Variants in DPP6 observed in about 807,000 individuals in gnomAD.
DPP6 encodes the protein A-type potassium channel modulatory protein DPP6.
Under a neutral mutation model 122.6 loss-of-function variants are expected in DPP6, and 69 were observed. The observed-to-expected ratio is 0.56, with a 90% CI of 0.46 to 0.69. DPP6 has a LOEUF of 0.69. Among genes scored for constraint, DPP6 ranks in the 30% least tolerant of loss-of-function variants. The pLI, the probability that DPP6 is intolerant of heterozygous loss-of-function variation, is 0.00. For synonymous variants in DPP6, 418 were observed against 433.1 expected (o/e 0.97, Z 0.43); for missense variants, 928 against 1,116.9 (o/e 0.83, Z 2.41).
intron 1 of DPP6, among the ~76,000 whole-genome samples, chr7:153,946,599 C>T (rs1801957273): frequency 6.6e-6 from 1 of 152,106 alleles, no homozygotes; most frequent in Admixed American, 6.5e-5. Context: ...CATCCTGTGA[C>T]TAAGAGCACC....
chr7:154,082,903 C>G (rs1283794655), intron 1 of DPP6, among the ~76,000 whole-genome samples: 2 of 139,422 alleles, frequency 1.4e-5, no homozygotes, highest in African/African-American at 5.4e-5. Context: ...GGCTGGAGTG[C>G]AGTGGTGTGA....
intron 1 of DPP6, among the ~76,000 whole-genome samples, chr7:154,153,716 C>T (rs536844155): frequency 6.6e-6 from 1 of 152,390 alleles, no homozygotes; most frequent in African/African-American, 2.4e-5. Flanking sequence ...CCAGGACCTA[C>T]AGTTTTCCTA....
At chr7:154,370,508 G>C (rs1396008288) in intron 1 of DPP6, among the ~76,000 whole-genome samples, 1 of 152,168 alleles carries the variant, frequency 6.6e-6, no homozygotes, top group Non-Finnish European at 1.5e-5. Context: ...GTAGATTCTT[G>C]AGTAGTTGAT....
At chr7:153,774,697 G>A in the DPP6 span, among the ~76,000 whole-genome samples, 2 of 152,138 alleles carry the variant, frequency 1.3e-5, no homozygotes, top group Admixed American at 1.3e-4. Flanking sequence ...AGGTATGATG[G>A]CTCATGCCTA....
chr7:154,889,147 G>A (rs1038144308), intron 23 of DPP6, 125 bp from the exon 24 acceptor site: 45 of 1,423,910 alleles, frequency 3.2e-5, no homozygotes, highest in Admixed American at 5.5e-5. Flanking sequence ...AAGGCATCCC[G>A]GTTCTCCGGG....
intron 5 of DPP6, among the ~76,000 whole-genome samples, chr7:154,576,176 G>A (rs1453752340): frequency 3.3e-5 from 5 of 151,930 alleles, no homozygotes; most frequent in South Asian, 2.1e-4. Context: ...CTACTTCCCC[G>A]TGCCCCCATC....
intron 1 of DPP6, among the ~76,000 whole-genome samples, chr7:154,124,480 CTG>C (rs1436860224): frequency 3.3e-5 from 5 of 152,202 alleles, no homozygotes; most frequent in African/African-American, 1.2e-4. Flanking sequence ...TGCACCGGCA[CTG>C]TGGGAGCAGG....
chr7:154,315,615 C>T (rs1451790441), intron 1 of DPP6, among the ~76,000 whole-genome samples: 3 of 152,006 alleles, frequency 2.0e-5, no homozygotes, highest in African/African-American at 7.3e-5. Context: ...GCAGCCATCA[C>T]CTCTGGGGGG....
intron 7 of DPP6, among the ~76,000 whole-genome samples, chr7:154,685,855 TG>T (rs1348798707): frequency 6.6e-6 from 1 of 152,236 alleles, no homozygotes; most frequent in Admixed American, 6.5e-5. Context: ...CTTTGAATCC[TG>T]GATGAGAAGT....
At chr7:153,788,732 G>A in the DPP6 span, among the ~76,000 whole-genome samples, 1 of 152,172 alleles carries the variant, frequency 6.6e-6, no homozygotes, top group African/African-American at 2.4e-5. Flanking sequence ...GGGAGGCCAA[G>A]GCGGATGGAT....
chr7:154,323,285 C>T (rs1276037315), intron 1 of DPP6, among the ~76,000 whole-genome samples: 1 of 151,414 alleles, frequency 6.6e-6, no homozygotes, highest in Non-Finnish European at 1.5e-5. Flanking sequence ...TTTAAATTGG[C>T]ACAGTTGGCT....
chr7:154,198,135 G>T (rs1474961708), intron 1 of DPP6, among the ~76,000 whole-genome samples: 1 of 152,068 alleles, frequency 6.6e-6, no homozygotes. Context: ...GTGTCATATG[G>T]ATCCTGCTTG....
At chr7:154,603,656 CAAAAAAAAAAA>C (rs779501891) in intron 5 of DPP6, among the ~76,000 whole-genome samples, 1 of 24,988 alleles carries the variant, frequency 4.0e-5, no homozygotes, top group African/African-American at 1.1e-4. Context: ...AACTCTGTCT[CAAAAAAAAAAA>C]AAAAAAAAAA....
chr7:153,958,252 T>C (rs1446631797), intron 1 of DPP6, among the ~76,000 whole-genome samples: 1 of 152,160 alleles, frequency 6.6e-6, no homozygotes, highest in Non-Finnish European at 1.5e-5. Flanking sequence ...TGTAAGAGGT[T>C]AGTGAGGCAG....
intron 1 of DPP6, among the ~76,000 whole-genome samples, chr7:153,949,556 G>A (rs541516238): frequency 2.6e-5 from 4 of 152,156 alleles, no homozygotes; most frequent in Non-Finnish European, 4.4e-5. Context: ...TAGGGTAGAC[G>A]TTCAAAGGGA....
chr7:154,390,838 C>T (rs73169336), intron 1 of DPP6, among the ~76,000 whole-genome samples: 2,023 of 152,240 alleles, frequency 0.013, 19 homozygotes, highest in Non-Finnish European at 0.022. Flanking sequence ...GAGACCCTCC[C>T]GACTACTCCT....
At chr7:154,332,975 G>T (rs759903909) in intron 1 of DPP6, among the ~76,000 whole-genome samples, 2 of 152,116 alleles carry the variant, frequency 1.3e-5, no homozygotes, top group African/African-American at 2.4e-5. Context: ...CGGGAGGCTC[G>T]CGATGGGTCC....
At chr7:154,529,827 A>G (rs1353753440) in intron 3 of DPP6, among the ~76,000 whole-genome samples, 1 of 152,202 alleles carries the variant, frequency 6.6e-6, no homozygotes, top group Non-Finnish European at 1.5e-5. Context: ...TAAATGATAG[A>G]TCAATATCCA....
chr7:154,091,152 C>T (rs1225776545), intron 1 of DPP6, among the ~76,000 whole-genome samples: 4 of 151,720 alleles, frequency 2.6e-5, no homozygotes, highest in African/African-American at 9.7e-5. Context: ...CTGTGCAATT[C>T]AGTCGTATTT....
Sources: gnomAD v4.1 joint callset for allele counts (sites outside exome capture counted in the v4.1 genomes callset) on GRCh38, gnomAD v4.1.1 for gene constraint, MANE v1.5 for transcripts, NCBI Gene and HGNC (gene_info 2026-07-23, HGNC 2026-07-21) for gene names.